Variants in ABHD5 observed in about 807,000 individuals in gnomAD.
The protein encoded by ABHD5 is abhydrolase domain containing 5, lysophosphatidic acid acyltransferase.
Under a neutral mutation model 44.9 loss-of-function variants are expected in ABHD5, and 30 were observed. The observed-to-expected ratio is 0.67, with a 90% CI of 0.50 to 0.91. The LOEUF (loss-of-function observed/expected upper bound fraction) is 0.91. Among genes scored for constraint, ABHD5 ranks in the 40% least tolerant of loss-of-function variants. ABHD5 has a pLI of 0.00. For synonymous variants in ABHD5, 167 were observed against 147.0 expected, an observed-to-expected ratio of 1.14 and a Z score of -0.99; for missense variants, 399 against 423.4, an observed-to-expected ratio of 0.94 and a Z score of 0.50.
intron 1 of ABHD5, among the ~76,000 whole-genome samples, chr3:43,695,730 A>G (rs2149591864): frequency 6.6e-6 from 1 of 152,348 alleles, no homozygotes; most frequent in South Asian, 2.1e-4. Flanking sequence ...ATGGAGTATA[A>G]GTATGACATA....
intron 1 of ABHD5, among the ~76,000 whole-genome samples, chr3:43,695,525 A>G (rs1449773026): frequency 6.6e-6 from 1 of 152,220 alleles, no homozygotes; most frequent in Non-Finnish European, 1.5e-5. Context: ...TTATAACCTA[A>G]TTAGAAATAT....
chr3:43,697,607 G>A (rs2084489276), intron 1 of ABHD5, among the ~76,000 whole-genome samples: 1 of 152,060 alleles, frequency 6.6e-6, no homozygotes. Flanking sequence ...CCTGAGACTG[G>A]GTAATTTATA....
At chr3:43,729,955 G>C (rs2084902425) in intron 7 of ABHD5, among the ~76,000 whole-genome samples, 2 of 152,202 alleles carry the variant, frequency 1.3e-5, no homozygotes, top group African/African-American at 2.4e-5. Flanking sequence ...TGTTGCAGAG[G>C]GGGAGAGATT....
intron 1 of ABHD5, among the ~76,000 whole-genome samples, chr3:43,695,917 A>G (rs1294983509): frequency 6.6e-6 from 1 of 152,210 alleles, no homozygotes; most frequent in Non-Finnish European, 1.5e-5. Context: ...AACTTTTCTT[A>G]CTCAAAAGTC....
downstream of ABHD5, among the ~76,000 whole-genome samples, chr3:43,725,396 G>A (rs2084870674): frequency 6.6e-6 from 1 of 152,138 alleles, no homozygotes; most frequent in East Asian, 1.9e-4. Context: ...TTGCCTGTTT[G>A]CTGTCTGTAG....
chr3:43,714,960 G>A lies in ABHD5; in HGVS notation c.675G>A (p.Val225=). 1 of 1,612,500 alleles carries A rather than the reference G, an allele frequency of 6.2e-7. No homozygotes were observed. Among genetic ancestry groups the A allele is most frequent in the Non-Finnish European group, 8.5e-7 (1 of 1,178,834 alleles). Residue 225 remains valine (V), a synonymous_variant, in exon 5 of 7, where the codon GTG becomes GTA. Transcript: ENST00000644371. Reference sequence around the variant, plus strand: ...CCTGTTAAATAGGTTTAAGTCTAGTGCAGCGTTTAAGGCCTGATTTCAAAC... The same window carrying A: ...CCTGTTAAATAGGTTTAAGTCTAGTACAGCGTTTAAGGCCTGATTTCAAAC... ...RIAGPFGLSL[V]QRLRPDFKRK... is the part of the protein sequence containing the mutation.
chr3:43,706,687 C>G (rs997769860), intron 3 of ABHD5, among the ~76,000 whole-genome samples: 5 of 152,132 alleles, frequency 3.3e-5, no homozygotes, highest in African/African-American at 4.8e-5. Flanking sequence ...CTCCTGGCCT[C>G]GAATGATCCT....
chr3:43,717,303 A>C (rs1405017509), intron 5 of ABHD5, among the ~76,000 whole-genome samples: 4 of 152,250 alleles, frequency 2.6e-5, no homozygotes, highest in African/African-American at 9.6e-5. Context: ...TTAGCATTGC[A>C]GGTGAAACGC....
rs751216967 is a variant in ABHD5 at position 43,720,628 on chromosome 3, A to G, written c.*2096A>G. On this transcript the variant is annotated 3_prime_UTR_variant, in exon 7 of 7. Coordinates refer to ENST00000644371, the MANE Select transcript of ABHD5 (RefSeq NM_016006.6). ...AAATGTTTTCTTAAAAATCTAGTAC[A>G]GCATTTGATCTTTGTTATGCACAGC... is the stretch of plus-strand genomic sequence containing the variant. The G allele has an allele frequency of 1.3e-5, 2 of 152,208 alleles. No homozygotes were observed. Among genetic ancestry groups the G allele is most frequent in the Non-Finnish European group, 2.9e-5 (2 of 68,034 alleles). 9.4% of individuals were successfully genotyped at this position (152,208 alleles called of 1,614,324 possible). A position where few individuals can be genotyped will look rare whatever the true frequency, so the allele number is the denominator to read the frequency against.
chr3:43,698,780 A>G (rs9879633), intron 1 of ABHD5, among the ~76,000 whole-genome samples: 82 of 152,328 alleles, frequency 5.4e-4, no homozygotes, highest in Middle Eastern at 3.4e-3. Flanking sequence ...GTTACTACTC[A>G]TATGAGATTT....
At chr3:43,697,174 A>G (rs920089226) in intron 1 of ABHD5, among the ~76,000 whole-genome samples, 3 of 152,128 alleles carry the variant, frequency 2.0e-5, no homozygotes, top group Non-Finnish European at 4.4e-5. Context: ...CTTTTTAAAC[A>G]CTGGTGCTTT....
intron 1 of ABHD5, among the ~76,000 whole-genome samples, chr3:43,695,516 T>C (rs2149591755): frequency 1.3e-5 from 2 of 152,326 alleles, no homozygotes; most frequent in South Asian, 4.1e-4. Flanking sequence ...CCTCTTTACT[T>C]ATAACCTAAT....
chr3:43,714,901 TAAC>T (rs1178269716), intron 4 of ABHD5, 43 bp from the exon 5 acceptor site: 1 of 1,368,792 alleles, frequency 7.3e-7, no homozygotes, highest in African/African-American at 1.4e-5. Flanking sequence ...GTTGATAAGT[TAAC>T]TATAATTTAA....
At chr3:43,706,812 A>T (rs969430197) in intron 3 of ABHD5, among the ~76,000 whole-genome samples, 3 of 152,022 alleles carry the variant, frequency 2.0e-5, no homozygotes, top group Non-Finnish European at 4.4e-5. Context: ...TTTTTCTTTT[A>T]AGTAAAATGA....
At chr3:43,706,576 C>T (rs149380560) in intron 3 of ABHD5, among the ~76,000 whole-genome samples, 239 of 152,040 alleles carry the variant, frequency 1.6e-3, no homozygotes, top group Non-Finnish European at 2.7e-3. Context: ...CAACAAACCT[C>T]CCGTGTAGCT....
At chr3:43,715,130 T>TGTGTGTGTG in intron 5 of ABHD5, 72 bp downstream of exon 5, 2 of 1,053,642 alleles carry the variant, frequency 1.9e-6, no homozygotes, top group Non-Finnish European at 1.5e-6. Flanking sequence ...TTTGTGTGTG[T>TGTGTGTGTG]TTTAGACTAT....
intron 1 of ABHD5, among the ~76,000 whole-genome samples, chr3:43,691,811 T>C (rs2084394237): frequency 6.6e-6 from 1 of 152,200 alleles, no homozygotes; most frequent in Non-Finnish European, 1.5e-5. Context: ...CCCTTATTTG[T>C]TTGCGCTTCT....
chr3:43,696,639 G>A (rs79414269), intron 1 of ABHD5, among the ~76,000 whole-genome samples: 3,105 of 152,310 alleles, frequency 0.02, 54 homozygotes, highest in South Asian at 0.092. Context: ...ATCAACTAAA[G>A]GGTGGAAAAG....
At chr3:43,695,321 T>C (rs2084460077) in intron 1 of ABHD5, among the ~76,000 whole-genome samples, 2 of 152,180 alleles carry the variant, frequency 1.3e-5, no homozygotes, top group African/African-American at 2.4e-5. Flanking sequence ...TAAATAAATG[T>C]ATATATTCAT....
Sources: gnomAD v4.1 joint callset for allele counts (sites outside exome capture counted in the v4.1 genomes callset) on GRCh38, gnomAD v4.1.1 for gene constraint, MANE v1.5 for transcripts, NCBI Gene and HGNC (gene_info 2026-07-23, HGNC 2026-07-21) for gene names.